MAN1A1: variants seen among roughly 807,000 people sequenced by gnomAD.
The protein encoded by MAN1A1 is mannosyl-oligosaccharide 1,2-alpha-mannosidase IA.
A neutral mutation model predicts 70.8 loss-of-function variants in MAN1A1; 29 were observed. The ratio of observed to expected loss-of-function variants is 0.41; its 90% confidence interval spans 0.31 to 0.56. MAN1A1 has a LOEUF of 0.56. Ranked by LOEUF, MAN1A1 falls within the 20% of genes least tolerant of loss-of-function variation. The pLI is 0.29. For missense variants in MAN1A1, 747 were observed against 841.3 expected (o/e 0.89, Z 1.39); for synonymous variants, 349 against 330.1 (o/e 1.06, Z -0.62).
At chr6:119,339,206 T>C (rs1773540899) in intron 2 of MAN1A1, among the ~76,000 whole-genome samples, 1 of 152,244 alleles carries the variant, frequency 6.6e-6, no homozygotes, top group African/African-American at 2.4e-5. Flanking sequence ...AAATGGTTTC[T>C]GGAAAGTTAT....
In MAN1A1 at chr6:119,273,345, T is replaced by C. The variant is rs1405632455; in HGVS notation, c.897+17338A>G. ...TTTAGAAATAGCTCCACATCATTTT[T>C]CTCTATATTTTCCATAGCTGAAATC... On this transcript the variant is annotated intron_variant, in intron 5 of 12. Transcript: ENST00000368468. 2.0e-5 allele frequency among the ~76,000 whole-genome samples: 3 copies of C among 152,156 alleles called. No individual in the cohort carries two copies. In the East Asian group the frequency reaches 5.8e-4, roughly 29 times the overall value.
intron 2 of MAN1A1, among the ~76,000 whole-genome samples, chr6:119,332,951 T>C (rs1238367779): frequency 6.6e-6 from 1 of 152,152 alleles, no homozygotes; most frequent in Admixed American, 6.5e-5. Flanking sequence ...TAATGTGTTG[T>C]GTGCCCCCGG....
At chr6:119,292,589 G>T (rs1391312410) in intron 4 of MAN1A1, among the ~76,000 whole-genome samples, 1 of 151,810 alleles carries the variant, frequency 6.6e-6, no homozygotes, top group Non-Finnish European at 1.5e-5. Context: ...CTGTAAAAAG[G>T]TTTAAGAATC....
intron 11 of MAN1A1, among the ~76,000 whole-genome samples, chr6:119,181,366 C>T (rs1773149281): frequency 6.6e-6 from 1 of 151,710 alleles, no homozygotes; most frequent in Non-Finnish European, 1.5e-5. Context: ...GTAGGGTACT[C>T]ATCAGTGATA....
At chr6:119,346,505 G>C (rs543092660) in intron 2 of MAN1A1, among the ~76,000 whole-genome samples, 1 of 152,306 alleles carries the variant, frequency 6.6e-6, no homozygotes, top group African/African-American at 2.4e-5. Flanking sequence ...AGACTGAGCG[G>C]TTTCAAAACA....
At chr6:119,317,379 A>G (rs1036889627) in intron 2 of MAN1A1, among the ~76,000 whole-genome samples, 21 of 152,206 alleles carry the variant, frequency 1.4e-4, no homozygotes, top group African/African-American at 5.1e-4. Flanking sequence ...AAAATCCTCT[A>G]TGTTGTGCTT....
At chr6:119,227,533 A>G (rs1013345566) in intron 6 of MAN1A1, among the ~76,000 whole-genome samples, 1 of 152,210 alleles carries the variant, frequency 6.6e-6, no homozygotes, top group African/African-American at 2.4e-5. Flanking sequence ...AGCTAAGTGC[A>G]GTGGTGTAAT....
intron 6 of MAN1A1, among the ~76,000 whole-genome samples, chr6:119,244,564 C>T (rs1209769194): frequency 6.6e-6 from 1 of 151,896 alleles, no homozygotes; most frequent in Non-Finnish European, 1.5e-5. Context: ...TTCTGAACCG[C>T]TTTTGGGATA....
At chr6:119,319,089 G>C (rs1772931414) in intron 2 of MAN1A1, among the ~76,000 whole-genome samples, 1 of 152,012 alleles carries the variant, frequency 6.6e-6, no homozygotes, top group African/African-American at 2.4e-5. Context: ...GTTTCATCTA[G>C]ACTTCTACAT....
At chr6:119,298,763 A>T (rs890966105) in intron 4 of MAN1A1, among the ~76,000 whole-genome samples, 1 of 151,694 alleles carries the variant, frequency 6.6e-6, no homozygotes, top group African/African-American at 2.4e-5. Flanking sequence ...TGCCTGGGAA[A>T]TTTTTTGTAT....
intron 8 of MAN1A1, among the ~76,000 whole-genome samples, chr6:119,195,534 G>C (rs894208149): frequency 2.0e-5 from 3 of 152,072 alleles, no homozygotes; most frequent in Non-Finnish European, 2.9e-5. Flanking sequence ...CACACTTTTT[G>C]GTAGCACACA....
In MAN1A1 at chr6:119,229,214, C is replaced by CA. The variant is rs10602711; in HGVS notation, c.992+19045dup. ...GTGACTATCAAACTGTGTTCTGAGA[C>CA]AAAAAAAAAAAAAACAAAAAATGCA... On this transcript the variant is annotated intron_variant, in intron 6 of 12. Transcript: ENST00000368468. Among the ~76,000 whole-genome samples the CA allele has an allele frequency of 1.0e-3, 141 of 137,650 alleles. 1 individual carries two copies. The highest frequency in any genetic ancestry group is 4.8e-3 in the Admixed American group (65 of 13,656). The allele number at this position is 137,650 out of a possible 152,430, so 90.3% of individuals were successfully genotyped here. A position where few individuals can be genotyped will look rare whatever the true frequency, so the allele number is the denominator to read the frequency against.
At chr6:119,217,554 C>CT (rs1171464445) in intron 6 of MAN1A1, among the ~76,000 whole-genome samples, 5 of 152,334 alleles carry the variant, frequency 3.3e-5, no homozygotes, top group Admixed American at 6.5e-5. Context: ...GCGTGAGCCA[C>CT]TGCGCTCGGC....
rs145293844 is a variant in MAN1A1, at chr6:119,321,552, C to T, written c.604-14560G>A. Among the ~76,000 whole-genome samples, 62 of 152,052 alleles carry T rather than the reference C, an allele frequency of 4.1e-4. 1 individual carries two copies. In the East Asian group the frequency reaches 0.01, roughly 25 times the overall value. ...CACCTTCCCAACAACTAACTACTCA[C>T]CTTTGAATTTTACTGACAAAGAACC... On this transcript the variant is annotated intron_variant, in intron 2 of 12. Transcript: ENST00000368468.
chr6:119,344,675 A>G (rs1773680919), intron 2 of MAN1A1, among the ~76,000 whole-genome samples: 1 of 152,234 alleles, frequency 6.6e-6, no homozygotes, highest in African/African-American at 2.4e-5. Flanking sequence ...TGTCAAAATA[A>G]AAGTGTTTTG....
At chr6:119,316,666 A>G (rs1460965883) in intron 2 of MAN1A1, among the ~76,000 whole-genome samples, 1 of 152,150 alleles carries the variant, frequency 6.6e-6, no homozygotes, top group African/African-American at 2.4e-5. Flanking sequence ...AAATTTTCAC[A>G]TTTTAATTTT....
intron 2 of MAN1A1, among the ~76,000 whole-genome samples, chr6:119,313,138 GAAAGAAAA>G (rs1772755960): frequency 6.6e-6 from 1 of 152,118 alleles, no homozygotes; most frequent in African/African-American, 2.4e-5. Context: ...TACGGGAAAG[GAAAGAAAA>G]GAGGCTAATG....
intron 2 of MAN1A1, among the ~76,000 whole-genome samples, chr6:119,342,063 G>C (rs541023055): frequency 1.4e-4 from 22 of 152,312 alleles, no homozygotes; most frequent in African/African-American, 5.3e-4. Context: ...CTATGAGAAA[G>C]AGACAAATTA....
intron 5 of MAN1A1, among the ~76,000 whole-genome samples, chr6:119,267,185 C>A (rs1468230069): frequency 6.6e-6 from 1 of 152,172 alleles, no homozygotes; most frequent in Admixed American, 6.5e-5. Context: ...TTGGCAGTTA[C>A]AAAACTAAAC....
Sources: gnomAD v4.1 joint callset for allele counts (sites outside exome capture counted in the v4.1 genomes callset) on GRCh38, gnomAD v4.1.1 for gene constraint, MANE v1.5 for transcripts, NCBI Gene and HGNC (gene_info 2026-07-23, HGNC 2026-07-21) for gene names.